The following HLTF variants were observed in gnomAD, a reference collection of about 807,000 sequenced individuals.
HLTF encodes the protein helicase like transcription factor.
Under a neutral mutation model 129.4 loss-of-function variants are expected in HLTF, and 127 were observed. The ratio of observed to expected loss-of-function variants is 0.98; its 90% CI spans 0.85 to 1.14. HLTF has a LOEUF of 1.14. Ranked by LOEUF, HLTF falls within the 50% of genes most tolerant of loss-of-function variation. The probability of loss-of-function intolerance (pLI) is 0.00; values close to 1 mark genes in which losing one functional copy is unlikely to be tolerated. For synonymous variants in HLTF, 332 were observed against 388.8 expected (o/e 0.85, Z 1.72); for missense variants, 1,139 against 1,187.1 (o/e 0.96, Z 0.60).
In HLTF at chr3:149,050,288, G is replaced by T; in HGVS notation, c.1561C>A (p.Leu521Ile). Residue 521 changes from leucine to isoleucine, a missense_variant, in exon 15 of 25, where the codon CTT becomes ATT. Transcript: ENST00000310053. ...GTCAAAACAATATCCTGTTTTGAAAGTAAGGCCGGTTCTCTAATACGATCA... is the reference window on the plus strand; with the variant it reads ...GTCAAAACAATATCCTGTTTTGAAATTAAGGCCGGTTCTCTAATACGATCA... ...GPDRIREPAL[L>I]SKQDIVLTTY... The T allele has an allele frequency of 6.2e-7, 1 of 1,601,012 alleles. No homozygotes were observed. The highest frequency in any genetic ancestry group is 8.6e-7 in the Non-Finnish European group (1 of 1,169,118).
At chr3:149,035,174 G>A (rs1020459539) in intron 23 of HLTF, among the ~76,000 whole-genome samples, 176 bp from the exon 24 acceptor site, 2 of 152,108 alleles carry the variant, frequency 1.3e-5, no homozygotes, top group Non-Finnish European at 2.9e-5. Context: ...CAATCACTAT[G>A]ATGATAGGCA....
intron 2 of HLTF, among the ~76,000 whole-genome samples, chr3:149,077,247 A>AAAAT (rs201554369): frequency 0.082 from 11,749 of 143,922 alleles, 536 homozygotes; most frequent in African/African-American, 0.11. Context: ...ACTTCATCTC[A>AAAAT]AAATAAATAA....
intron 2 of HLTF, among the ~76,000 whole-genome samples, chr3:149,076,912 G>C (rs1283624838): frequency 2.0e-5 from 3 of 152,104 alleles, no homozygotes; most frequent in African/African-American, 7.2e-5. Context: ...AGAATAAACA[G>C]CTGAATATCA....
rs760096548 is a variant in HLTF, at chr3:149,068,317, T to C, written c.913A>G (p.Ile305Val). The change falls in exon 8 of 25, where the codon ATT (isoleucine) becomes GTT (valine). Residue 305 changes from isoleucine (I) to valine (V), a missense_variant. By Grantham distance (29) the Ile-to-Val change is conservative. Coordinates refer to ENST00000310053, the MANE Select transcript of HLTF (RefSeq NM_003071.4). ...TGGAAGTTGGTAAGGATTACTGCAA[T>C]GGCCGTAAGAGTTTTACCCTTAAAA... The part of the protein sequence containing the change: ...DMGLGKTLTA[I>V]AVILTNFHDG... 2.6e-6 allele frequency: 4 copies of C among 1,537,482 alleles called. No individual in the cohort carries two copies. Among genetic ancestry groups the C allele is most frequent in the Non-Finnish European group, 3.6e-6 (4 of 1,116,928 alleles).
Position 149,047,880 on chromosome 3 carries a change from G to C in HLTF, c.1892+148C>G, listed in dbSNP as rs191825695. 1.5e-4 allele frequency: 75 copies of C among 490,180 alleles called. No homozygotes were observed. In the East Asian group the frequency reaches 2.3e-3, roughly 15 times the overall value. The allele number at this position is 490,180 out of a possible 1,614,324, so 30.4% of individuals were successfully genotyped here. On this transcript the variant is annotated intron_variant, in intron 17 of 24. Transcript: ENST00000310053. The stretch of plus-strand genomic sequence containing the variant: ...TTGTCTTTCCAAACAAGCATCACTA[G>C]GTTCTGAAAGACAAAGGTACTGAGC...
intron 13 of HLTF, chr3:149,059,330 T>C (rs1190878601): frequency 4.8e-5 from 18 of 373,540 alleles, no homozygotes. Context: ...TATAAAATCA[T>C]AACAAAGATC....
chr3:149,039,539 TA>T, intron 22 of HLTF, 41 bp downstream of exon 22: 1 of 967,806 alleles, frequency 1.0e-6, no homozygotes, highest in Middle Eastern at 2.3e-4. Flanking sequence ...TATGATTATA[TA>T]AAATCCTTTT....
chr3:149,038,400 TG>T (rs1715829757), intron 23 of HLTF, among the ~76,000 whole-genome samples: 1 of 152,248 alleles, frequency 6.6e-6, no homozygotes, highest in South Asian at 2.1e-4. Context: ...AATATTTACA[TG>T]GACTATGATT....
chr3:149,071,834 C>T (rs1314523971), intron 5 of HLTF, among the ~76,000 whole-genome samples, 177 bp from the exon 6 acceptor site: 6 of 152,104 alleles, frequency 3.9e-5, no homozygotes, highest in Non-Finnish European at 5.9e-5. Context: ...ATCACTTGAG[C>T]TCAGGAGTTT....
chr3:149,056,294 T>A (rs1051529489), intron 13 of HLTF, among the ~76,000 whole-genome samples: 1 of 152,196 alleles, frequency 6.6e-6, no homozygotes, highest in Non-Finnish European at 1.5e-5. Flanking sequence ...ACAACAAAAA[T>A]TCTTAATACT....
intron 2 of HLTF, among the ~76,000 whole-genome samples, chr3:149,080,285 C>T (rs1300604712): frequency 6.6e-6 from 1 of 152,012 alleles, no homozygotes; most frequent in Non-Finnish European, 1.5e-5. Context: ...GGTTGCACAA[C>T]CTTGTGAGTA....
intron 23 of HLTF, among the ~76,000 whole-genome samples, chr3:149,037,693 A>G (rs1297698821): frequency 6.6e-6 from 1 of 152,176 alleles, no homozygotes; most frequent in Non-Finnish European, 1.5e-5. Flanking sequence ...CATGTATCTC[A>G]GTAGAATTCC....
intron 18 of HLTF, among the ~76,000 whole-genome samples, chr3:149,043,863 C>T (rs549652264): frequency 6.2e-4 from 95 of 152,262 alleles, no homozygotes; most frequent in African/African-American, 2.2e-3. Context: ...GTACCTACCT[C>T]ATACAACTAC....
intron 14 of HLTF, among the ~76,000 whole-genome samples, chr3:149,054,956 T>G (rs141810320): frequency 2.0e-3 from 304 of 152,348 alleles, no homozygotes; most frequent in Admixed American, 3.3e-3. Flanking sequence ...ATTGTTGGTA[T>G]AGCTCTTAGA....
At chr3:149,070,286 A>C (rs1160441719) in intron 7 of HLTF, among the ~76,000 whole-genome samples, 1 of 152,240 alleles carries the variant, frequency 6.6e-6, no homozygotes, top group Admixed American at 6.5e-5. Flanking sequence ...ACTTCAACCA[A>C]AACAACCTAA....
At chr3:149,050,498 C>T (rs550439455) in intron 14 of HLTF, 123 bp from the exon 15 acceptor site, 23 of 558,568 alleles carry the variant, frequency 4.1e-5, no homozygotes, top group Non-Finnish European at 6.5e-5. Flanking sequence ...TGTATGAAAT[C>T]AAGTTTCCTT....
At chr3:149,034,533 T>C (rs1715405256) in intron 24 of HLTF, among the ~76,000 whole-genome samples, 2 of 152,170 alleles carry the variant, frequency 1.3e-5, no homozygotes, top group Non-Finnish European at 2.9e-5. Context: ...ACAACATGAA[T>C]GTACTTAATG....
chr3:149,073,515 G>A (rs116818539), intron 4 of HLTF, among the ~76,000 whole-genome samples, 193 bp from the exon 5 acceptor site: 2,740 of 152,220 alleles, frequency 0.018, 86 homozygotes, highest in African/African-American at 0.062. Flanking sequence ...GCAACATGGT[G>A]AGATTCTGTC....
At chr3:149,066,661 G>C (rs1287963504) in intron 8 of HLTF, among the ~76,000 whole-genome samples, 1 of 151,526 alleles carries the variant, frequency 6.6e-6, no homozygotes, top group African/African-American at 2.4e-5. Context: ...ACTTATCTTG[G>C]GGAAAAATAA....
Sources: allele counts gnomAD v4.1 joint callset (sites outside exome capture counted in the v4.1 genomes callset), GRCh38; gene constraint gnomAD v4.1.1; transcripts MANE v1.5; gene names NCBI Gene and HGNC (gene_info 2026-07-23, HGNC 2026-07-21).